The following PCSK2 variants were observed in gnomAD, a reference collection of about 807,000 sequenced individuals.
PCSK2 encodes the protein proprotein convertase subtilisin/kexin type 2.
In PCSK2, 14 loss-of-function variants were observed where a neutral mutation model predicts 69.7. The ratio of observed to expected loss-of-function variants is 0.20; its 90% CI spans 0.13 to 0.31. The LOEUF (loss-of-function observed/expected upper bound fraction) is 0.31, where lower values mean the gene tolerates loss of function less well. PCSK2 is among the 10% of genes least tolerant of loss of function. PCSK2 has a pLI of 1.00. For synonymous variants in PCSK2, 307 were observed against 320.7 expected (o/e 0.96, Z 0.46); for missense variants, 544 against 842.5 (o/e 0.65, Z 4.39).
At chr20:17,374,712 A>C (rs1354603971) in intron 5 of PCSK2, among the ~76,000 whole-genome samples, 1 of 152,140 alleles carries the variant, frequency 6.6e-6, no homozygotes, top group Non-Finnish European at 1.5e-5. Flanking sequence ...CTCCCTGGGG[A>C]ACTCTGGGAA....
chr20:17,411,373 T>G (rs1459917476), intron 6 of PCSK2, among the ~76,000 whole-genome samples: 3 of 152,248 alleles, frequency 2.0e-5, no homozygotes, highest in Non-Finnish European at 4.4e-5. Flanking sequence ...GACCAGGAGA[T>G]TCTCTCCCAT....
chr20:17,234,818 G>T (rs140504119), intron 1 of PCSK2, among the ~76,000 whole-genome samples: 1 of 152,116 alleles, frequency 6.6e-6, no homozygotes, highest in Non-Finnish European at 1.5e-5. Flanking sequence ...GCTCAAAGAG[G>T]TCTGGCTTTA....
intron 2 of PCSK2, among the ~76,000 whole-genome samples, chr20:17,323,862 G>A (rs1989954039): frequency 6.6e-6 from 1 of 152,164 alleles, no homozygotes; most frequent in African/African-American, 2.4e-5. Context: ...CCATTTCTGG[G>A]AGCAGAGATT....
intron 5 of PCSK2, among the ~76,000 whole-genome samples, chr20:17,397,729 G>A (rs948010621): frequency 2.0e-5 from 3 of 152,180 alleles, no homozygotes; most frequent in East Asian, 1.9e-4. Context: ...CACCTGCCTC[G>A]GCCTCCCAAA....
intron 5 of PCSK2, among the ~76,000 whole-genome samples, chr20:17,379,175 A>T (rs949213675): frequency 6.6e-6 from 1 of 152,164 alleles, no homozygotes; most frequent in Non-Finnish European, 1.5e-5. Flanking sequence ...GCCTGACCAG[A>T]TTTCTGAACC....
At chr20:17,235,057 T>A (rs1211373436) in intron 1 of PCSK2, among the ~76,000 whole-genome samples, 2 of 152,156 alleles carry the variant, frequency 1.3e-5, no homozygotes, top group Non-Finnish European at 2.9e-5. Context: ...AACACTTCAG[T>A]CTGAAATGTA....
At position 17,316,460 on chromosome 20, in the gene PCSK2, A is replaced by G. The variant is rs954808370; in HGVS notation, c.283-41867A>G. Among the ~76,000 whole-genome samples, 6 of 152,340 alleles carry G rather than the reference A, an allele frequency of 3.9e-5. 1 individual carries two copies. Among genetic ancestry groups the G allele is most frequent in the Admixed American group, 2.6e-4 (4 of 15,308 alleles). ...CTTCAGATAACAAGCTTGAAAACAC[A>G]GCCTCTACTTGTTTCCTTCCCTTCC... is the stretch of plus-strand genomic sequence containing the variant. On this transcript the variant is annotated intron_variant, in intron 2 of 11. Coordinates refer to ENST00000262545, the MANE Select transcript of PCSK2 (RefSeq NM_002594.5).
chr20:17,433,886 TC>T (rs201181036), intron 7 of PCSK2, among the ~76,000 whole-genome samples: 11,380 of 74,428 alleles, frequency 0.15, 1,081 homozygotes, highest in Non-Finnish European at 0.17. Flanking sequence ...CCCCTCCTCC[TC>T]CCCCCCCCTT....
At chr20:17,438,979 C>T (rs754153666) in intron 8 of PCSK2, among the ~76,000 whole-genome samples, 1 of 152,152 alleles carries the variant, frequency 6.6e-6, no homozygotes, top group Non-Finnish European at 1.5e-5. Context: ...CTGGGGCAGC[C>T]GAATCTCTGC....
chr20:17,277,733 C>A (rs1385404573), intron 2 of PCSK2, among the ~76,000 whole-genome samples: 3 of 151,662 alleles, frequency 2.0e-5, no homozygotes, highest in Non-Finnish European at 4.4e-5. Context: ...TCTAATTAAA[C>A]TAAAGAGCTT....
chr20:17,237,744 A>C (rs1050475394), intron 1 of PCSK2, among the ~76,000 whole-genome samples: 2 of 152,080 alleles, frequency 1.3e-5, no homozygotes, highest in African/African-American at 4.8e-5. Flanking sequence ...CTGGTAGAGG[A>C]GTGGGGAATT....
intron 6 of PCSK2, among the ~76,000 whole-genome samples, chr20:17,426,676 C>T (rs911991642): frequency 2.6e-5 from 4 of 152,210 alleles, no homozygotes; most frequent in Non-Finnish European, 5.9e-5. Context: ...CTGAAGGTAG[C>T]CTGCTATAGA....
At position 17,227,475 on chromosome 20, in the gene PCSK2, T is replaced by C. The variant is rs779783899; in HGVS notation, c.170T>C (p.Val57Ala). Residue 57 changes from valine (V) to alanine (A), a missense_variant, in exon 1 of 12, where the codon GTC becomes GCC. Coordinates refer to ENST00000262545, the MANE Select transcript of PCSK2 (RefSeq NM_002594.5). ...RQVAAEHGFG[V>A]RKLPFAEGLY... ...GTTGCAGCAGAACACGGCTTTGGAG[T>C]CCGAAAGGTAAGCTCTCCCATGCAT... 1.2e-6 allele frequency: 2 copies of C among 1,612,818 alleles called. No individual in the cohort carries two copies. Among genetic ancestry groups the C allele is most frequent in the Admixed American group, 3.3e-5 (2 of 59,950 alleles).
chr20:17,362,481 A>C lies in PCSK2; in HGVS notation c.505+1841A>C, dbSNP rs73255643. On this transcript the variant is annotated intron_variant, in intron 4 of 11. Transcript: ENST00000262545. ...CTATCATGCAGGTGGAGTCAGAAGG[A>C]AGTTGACCCTGGAGTCAACTAGAGG... 3.0e-3 allele frequency among the ~76,000 whole-genome samples: 452 copies of C among 152,280 alleles called. 3 individuals carry two copies. The highest frequency in any genetic ancestry group is 0.01 in the African/African-American group (428 of 41,552).
At chr20:17,255,789 C>T (rs976233467) in intron 1 of PCSK2, among the ~76,000 whole-genome samples, 1 of 152,162 alleles carries the variant, frequency 6.6e-6, no homozygotes, top group African/African-American at 2.4e-5. Flanking sequence ...GTTAAAACAA[C>T]TTTGCATTCC....
intron 5 of PCSK2, among the ~76,000 whole-genome samples, chr20:17,407,460 C>T (rs1472496974): frequency 3.9e-5 from 6 of 152,186 alleles, no homozygotes; most frequent in Non-Finnish European, 8.8e-5. Context: ...TTGTGTTTCT[C>T]TCGATATTCC....
intron 5 of PCSK2, among the ~76,000 whole-genome samples, chr20:17,370,966 C>T (rs372327886): frequency 1.8e-4 from 27 of 152,312 alleles, no homozygotes; most frequent in East Asian, 7.7e-4. Context: ...GGGCTGTCCC[C>T]ACTCCACCCT....
intron 2 of PCSK2, among the ~76,000 whole-genome samples, chr20:17,337,567 C>A (rs1883533): frequency 0.61 from 92,415 of 151,976 alleles, 29,279 homozygotes; most frequent in East Asian, 0.97. Context: ...ATAAAGAAAA[C>A]TCTGCCTTAT....
At chr20:17,335,355 T>C (rs1038174858) in intron 2 of PCSK2, among the ~76,000 whole-genome samples, 1 of 151,788 alleles carries the variant, frequency 6.6e-6, no homozygotes, top group Non-Finnish European at 1.5e-5. Context: ...CTGACTGGCT[T>C]GCCCTAGGCC....
Sources: gnomAD v4.1 joint callset for allele counts (sites outside exome capture counted in the v4.1 genomes callset) on GRCh38, gnomAD v4.1.1 for gene constraint, MANE v1.5 for transcripts, NCBI Gene and HGNC (gene_info 2026-07-23, HGNC 2026-07-21) for gene names.